The following MAPK3 variants were observed in gnomAD, a reference collection of about 807,000 sequenced individuals.
MAPK3 encodes the protein MAPK 1.
Under a neutral mutation model 41.8 loss-of-function variants are expected in MAPK3, and 30 were observed. The ratio of observed to expected loss-of-function variants is 0.72; its 90% CI spans 0.54 to 0.97. MAPK3 has a LOEUF of 0.97. Among genes scored for constraint, MAPK3 ranks in the 50% least tolerant of loss-of-function variants. The pLI is 0.00. For missense variants in MAPK3, 413 were observed against 509.9 expected (o/e 0.81, Z 1.83); for synonymous variants, 222 against 213.4 (o/e 1.04, Z -0.35).
intron 8 of MAPK3, among the ~76,000 whole-genome samples, chr16:30,115,036 A>T (rs1317839885): frequency 1.3e-5 from 2 of 150,288 alleles, no homozygotes; most frequent in African/African-American, 4.9e-5. Context: ...CAGGAGTTTG[A>T]GACTGGCCTG....
chr16:30,118,739 G>C (rs560599960), intron 2 of MAPK3, among the ~76,000 whole-genome samples: 2 of 152,280 alleles, frequency 1.3e-5, no homozygotes, highest in South Asian at 4.1e-4. Flanking sequence ...TTGCATCACA[G>C]TTGCTGATCC....
At chr16:30,117,872 C>T in intron 4 of MAPK3, 88 bp from the exon 5 acceptor site, 2 of 1,183,218 alleles carry the variant, frequency 1.7e-6, no homozygotes, top group Non-Finnish European at 2.5e-6. Context: ...CAAGTTAGAT[C>T]CAACACCAGG....
intron 1 of MAPK3, 134 bp downstream of exon 1, chr16:30,122,906 C>T: frequency 1.2e-6 from 1 of 810,422 alleles, no homozygotes; most frequent in Non-Finnish European, 1.8e-6. Context: ...GGGACGCTCC[C>T]GATCATCCCG....
At chr16:30,117,423 G>C in intron 5 of MAPK3, 138 bp from the exon 6 acceptor site, 1 of 916,690 alleles carries the variant, frequency 1.1e-6, no homozygotes, top group Non-Finnish European at 1.7e-6. Context: ...TTAGCATGGT[G>C]GTGCAGAGCA....
intron 1 of MAPK3, 89 bp from the exon 2 acceptor site, chr16:30,122,095 GA>G (rs2073022664): frequency 8.2e-7 from 1 of 1,223,336 alleles, no homozygotes; most frequent in Admixed American, 1.8e-5. Context: ...GCAGGGAGGG[GA>G]GAGAGCAGGA....
rs368855140 is a variant in MAPK3, at chr16:30,115,027, A to G, written c.*33-319T>C. Reference sequence around the variant, plus strand: ...CTGAGGTGGTGGATCGCTTGAGCCCAGGAGTTTGAGACTGGCCTGGGCAAC... The same window carrying G: ...CTGAGGTGGTGGATCGCTTGAGCCCGGGAGTTTGAGACTGGCCTGGGCAAC... On this transcript the variant is annotated intron_variant, in intron 8 of 8. Coordinates refer to ENST00000263025, the MANE Select transcript of MAPK3 (RefSeq NM_002746.3). Among the ~76,000 whole-genome samples the G allele has an allele frequency of 4.4e-3, 669 of 150,930 alleles. 3 individuals are homozygous for G. Among genetic ancestry groups the G allele is most frequent in the East Asian group, 0.02 (103 of 5,110 alleles).
At chr16:30,117,073 T>C in intron 6 of MAPK3, 70 bp from the exon 7 acceptor site, 1 of 1,598,536 alleles carries the variant, frequency 6.3e-7, no homozygotes, top group East Asian at 2.2e-5. Flanking sequence ...GCTTTGCCTG[T>C]CTCCTCCAGC....
chr16:30,121,776 A>G, intron 2 of MAPK3, 48 bp downstream of exon 2: 2 of 1,576,258 alleles, frequency 1.3e-6, no homozygotes, highest in Non-Finnish European at 1.7e-6. Context: ...TCCCCAGCCC[A>G]GCTGCGAGGC....
intron 8 of MAPK3, among the ~76,000 whole-genome samples, chr16:30,116,363 G>A (rs775858922): frequency 1.3e-5 from 2 of 150,698 alleles, no homozygotes; most frequent in Non-Finnish European, 3.0e-5. Flanking sequence ...TAGTATAGAT[G>A]GGATTTCACC....
rs1194104997 is a variant in MAPK3 at position 30,118,479 on chromosome 16, A to C, written c.413T>G (p.Leu138Arg). The C allele has an allele frequency of 6.2e-7, 1 of 1,614,098 alleles. No homozygotes were observed. Among genetic ancestry groups the C allele is most frequent in the East Asian group, 2.2e-5 (1 of 44,876 alleles). ...GAAGTAGCAGATATGGTCATTGCTC[A>C]GCTGCTGGCTTTTCAGCAACTTGTA... ...DLYKLLKSQQ[L>R]SNDHICYFLY... The change falls in exon 3 of 9, where the codon CTG becomes CGG. Residue 138 changes from leucine (L) to arginine (R), a missense_variant. Leu to Arg is a moderately radical substitution (Grantham distance 102, BLOSUM62 -2). This residue lies in a region of MAPK3 where 140 missense variants were observed against 206.0 expected (regional missense o/e 0.68). Transcript: ENST00000263025.
Position 30,123,165 on chromosome 16 carries a change from ACGGGGCT to A in MAPK3, c.38_44del (p.Glu13ValfsTer17). The A allele has an allele frequency of 6.9e-7, 1 of 1,443,604 alleles. No homozygotes were observed. 89.4% of individuals were successfully genotyped at this position (1,443,604 alleles called of 1,614,324 possible). A position where few individuals can be genotyped will look rare whatever the true frequency, so the allele number is the denominator to read the frequency against. On this transcript the variant is annotated frameshift_variant, in exon 1 of 9. Coordinates refer to ENST00000263025, the MANE Select transcript of MAPK3 (RefSeq NM_002746.3). LOFTEE classifies it high-confidence loss of function. ...CCCCCGGGCCGACCCCCTCGGTTCT[ACGGGGCT>A]CCCCGCCCCCGCCCCCCTGAGCCGC...
At chr16:30,117,941 G>C in intron 4 of MAPK3, 106 bp downstream of exon 4, 1 of 1,176,718 alleles carries the variant, frequency 8.5e-7, no homozygotes, top group Non-Finnish European at 1.3e-6. Flanking sequence ...CCAAGGCCCA[G>C]AGGGTAGAAT....
chr16:30,117,680 G>A lies in MAPK3; in HGVS notation c.765C>T (p.Asn255=). The A allele has an allele frequency of 6.2e-7, 1 of 1,613,892 alleles. No individual in the cohort carries two copies. The highest frequency in any genetic ancestry group is 8.5e-7 in the Non-Finnish European group (1 of 1,179,802). The change falls in exon 5 of 9, where the codon AAC becomes AAT. Residue 255 remains asparagine (N), a synonymous_variant. Coordinates refer to ENST00000263025, the MANE Select transcript of MAPK3 (RefSeq NM_002746.3). Reference sequence around the variant, plus strand: ...CCGGGCCTCCCTCACCCAGAATGTGGTTGAGCTGATCCAGGTAGTGCTTGC... The same window carrying A: ...CCGGGCCTCCCTCACCCAGAATGTGATTGAGCTGATCCAGGTAGTGCTTGC... ...FPGKHYLDQL[N]HILGILGSPS...
chr16:30,116,724 C>T lies in MAPK3; in HGVS notation c.1084G>A (p.Glu362Lys), dbSNP rs747392494. Reference sequence around the variant, plus strand: ...CGTGCTGTCTCCTGGAAGATGAGCTCCTTCAGCCGCTCCTTAGGTAGGTCA... The same window carrying T: ...CGTGCTGTCTCCTGGAAGATGAGCTTCTTCAGCCGCTCCTTAGGTAGGTCA... ...LDDLPKERLK[E>K]LIFQETARFQ... is the part of the protein sequence containing the mutation. The change falls in exon 8 of 9, where the codon GAG becomes AAG. Residue 362 changes from glutamate (E) to lysine (K), a missense_variant. By Grantham distance (56) the Glu-to-Lys change is moderately conservative. Transcript: ENST00000263025. 1.2e-6 allele frequency: 2 copies of T among 1,613,880 alleles called. No individual in the cohort carries two copies. Among genetic ancestry groups the T allele is most frequent in the East Asian group, 2.2e-5 (1 of 44,864 alleles).
At chr16:30,122,972 G>GCCT in intron 1 of MAPK3, 68 bp downstream of exon 1, 2 of 1,291,530 alleles carry the variant, frequency 1.5e-6, no homozygotes, top group Non-Finnish European at 2.0e-6. Flanking sequence ...AGCGCTCGGC[G>GCCT]CCTCCTCCTC....
In MAPK3 at chr16:30,116,883, G is replaced by A. The variant is rs2072961574; in HGVS notation, c.1017+11C>T. Reference sequence around the variant, plus strand: ...TGCCCCCAGCCCCACTGCTGCTGGGGACTGGCCCACCTCATCCGTCGGGTC... The same window carrying A: ...TGCCCCCAGCCCCACTGCTGCTGGGAACTGGCCCACCTCATCCGTCGGGTC... On this transcript the variant is annotated intron_variant, in intron 7 of 8. Transcript: ENST00000263025. The A allele has an allele frequency of 6.2e-7, 1 of 1,613,786 alleles. No individual in the cohort carries two copies. The highest frequency in any genetic ancestry group is 8.5e-7 in the Non-Finnish European group (1 of 1,179,892).
intron 5 of MAPK3, 127 bp downstream of exon 5, chr16:30,117,543 C>T (rs1355083259): frequency 1.3e-6 from 1 of 798,260 alleles, no homozygotes; most frequent in Non-Finnish European, 2.2e-6. Flanking sequence ...AATATCTATA[C>T]CTCATTGAGA....
intron 8 of MAPK3, among the ~76,000 whole-genome samples, chr16:30,115,206 G>C (rs926150289): frequency 6.6e-6 from 1 of 151,928 alleles, no homozygotes; most frequent in Non-Finnish European, 1.5e-5. Context: ...GTGACAGAGC[G>C]AGACACTGTC....
At chr16:30,122,978 T>C in intron 1 of MAPK3, 62 bp downstream of exon 1, 1 of 1,324,276 alleles carries the variant, frequency 7.6e-7, no homozygotes, top group Non-Finnish European at 9.9e-7. Context: ...CGGCGCCTCC[T>C]CCTCCTCTCC....
Sources: allele counts gnomAD v4.1 joint callset (sites outside exome capture counted in the v4.1 genomes callset), GRCh38; gene constraint gnomAD v4.1.1; regional missense constraint gnomAD v4.1.1; transcripts MANE v1.5; gene names NCBI Gene and HGNC (gene_info 2026-07-23, HGNC 2026-07-21).